Variants in SRGAP3 observed in about 807,000 individuals in gnomAD.
The protein encoded by SRGAP3 is SLIT-ROBO Rho GTPase-activating protein 3.
Under a neutral mutation model 121.1 loss-of-function variants are expected in SRGAP3, and 39 were observed. That is an observed-to-expected ratio of 0.32 (90% confidence interval 0.25 to 0.42). SRGAP3 has a LOEUF of 0.42. Among genes scored for constraint, SRGAP3 ranks in the 10% least tolerant of loss-of-function variants. The pLI, the probability that SRGAP3 is intolerant of heterozygous loss-of-function variation, is 1.00. For synonymous variants in SRGAP3, 601 were observed against 570.0 expected (o/e 1.05, Z -0.77); for missense variants, 1,213 against 1,470.6 (o/e 0.82, Z 2.86).
In SRGAP3 at chr3:9,026,988, C is replaced by T; in HGVS notation, c.1547G>A (p.Gly516Glu). 6.2e-7 allele frequency: 1 copy of T among 1,614,128 alleles called. No homozygotes were observed. The highest frequency in any genetic ancestry group is 8.5e-7 in the Non-Finnish European group (1 of 1,179,984). ...CTCGACTACAAGCGGTATAGCTTGTCCTGAATCCTTGAGAAAAGAAAAATT... is the reference window on the plus strand; with the variant it reads ...CTCGACTACAAGCGGTATAGCTTGTTCTGAATCCTTGAGAAAAGAAAAATT... Reference protein sequence around the residue: ...GSMEAFIKDSGQAIPLVVESC... With the variant: ...GSMEAFIKDSEQAIPLVVESC... The change falls in exon 13 of 22, where the codon GGA (glycine) becomes GAA (glutamate). Residue 516 changes from glycine (G) to glutamate (E), a missense_variant. Gly to Glu is a moderately conservative substitution (Grantham distance 98). Around this residue, in one of 2 missense-constraint regions of SRGAP3, gnomAD observed 793 missense variants for 1,032.9 expected, o/e 0.77. Coordinates refer to ENST00000383836, the MANE Select transcript of SRGAP3 (RefSeq NM_014850.4).
chr3:9,214,836 T>C (rs572031176), intron 1 of SRGAP3, among the ~76,000 whole-genome samples: 2 of 152,180 alleles, frequency 1.3e-5, no homozygotes, highest in East Asian at 3.9e-4. Context: ...ATAAGGAAAA[T>C]TCATTGTAGG....
chr3:9,042,399 A>G (rs1945061385), intron 10 of SRGAP3, among the ~76,000 whole-genome samples: 2 of 151,780 alleles, frequency 1.3e-5, no homozygotes, highest in Admixed American at 6.6e-5. Context: ...ACTAACATTA[A>G]AAGACTTTTA....
intron 2 of SRGAP3, among the ~76,000 whole-genome samples, chr3:9,113,348 T>A (rs1021470582): frequency 2.0e-5 from 3 of 152,070 alleles, no homozygotes; most frequent in Admixed American, 6.6e-5. Context: ...TTTGGTGTCC[T>A]TGGTGTAGAC....
At chr3:9,175,108 C>G (rs565433025) in intron 1 of SRGAP3, among the ~76,000 whole-genome samples, 214 of 152,280 alleles carry the variant, frequency 1.4e-3, no homozygotes, top group African/African-American at 4.6e-3. Flanking sequence ...ACCTAGGAGG[C>G]TGACAATGGT....
intron 1 of SRGAP3, among the ~76,000 whole-genome samples, chr3:9,362,597 T>C (rs777073411): frequency 2.0e-5 from 3 of 152,080 alleles, no homozygotes; most frequent in Non-Finnish European, 4.4e-5. Context: ...TTAGGCAACA[T>C]AGTGAGCCCC....
chr3:8,993,013 G>A lies in SRGAP3; in HGVS notation c.2451C>T (p.Ser817=), dbSNP rs1942158201. 7 of 1,614,034 alleles carry A rather than the reference G, an allele frequency of 4.3e-6. No individual in the cohort carries two copies. Among genetic ancestry groups the A allele is most frequent in the East Asian group, 2.2e-5 (1 of 44,894 alleles). ...CCAGCAATGGCCCACTGCTGGCCTC[G>A]CTGTCAGCCTTCTGGCTCAGGCTGT... ...FSDSLSQKAD[S]EASSGPLLDD... Residue 817 remains serine (S), a synonymous_variant, in exon 20 of 22, where the codon AGC becomes AGT. Coordinates refer to ENST00000383836, the MANE Select transcript of SRGAP3 (RefSeq NM_014850.4).
At chr3:9,018,269 G>C (rs186740293) in intron 14 of SRGAP3, among the ~76,000 whole-genome samples, 20 of 152,270 alleles carry the variant, frequency 1.3e-4, no homozygotes, top group African/African-American at 4.8e-4. Context: ...TGGCCACGTA[G>C]GTTGCTTCCG....
intron 1 of SRGAP3, among the ~76,000 whole-genome samples, chr3:9,170,749 G>A (rs147289128): frequency 6.6e-6 from 1 of 152,346 alleles, no homozygotes; most frequent in African/African-American, 2.4e-5. Context: ...CCAAGGAGGT[G>A]AGGGCACATG....
chr3:9,120,638 C>T (rs1948970583), intron 2 of SRGAP3, among the ~76,000 whole-genome samples: 1 of 152,222 alleles, frequency 6.6e-6, no homozygotes, highest in Non-Finnish European at 1.5e-5. Context: ...CTCAGCTTTT[C>T]TGTTGCTCAG....
Position 8,990,649 on chromosome 3 carries a change from A to T in SRGAP3, c.2749T>A (p.Phe917Ile). 6.2e-7 allele frequency: 1 copy of T among 1,613,518 alleles called. No individual in the cohort carries two copies. Among genetic ancestry groups the T allele is most frequent in the Non-Finnish European group, 8.5e-7 (1 of 1,179,920 alleles). The change falls in exon 21 of 22, where the codon TTC becomes ATC. Residue 917 changes from phenylalanine (F) to isoleucine (I), a missense_variant. This residue lies in a region of SRGAP3 where 420 missense variants were observed against 437.7 expected (regional missense o/e 0.96). Transcript: ENST00000383836. ...ESPEKRRMATFGSAGSINYPD... is the reference protein window; with the variant it reads ...ESPEKRRMATIGSAGSINYPD... ...TAGTTGATGCTGCCAGCGCTCCCGA[A>T]CGTCGCCATCCTCCGCTTCTCAGGG...
In SRGAP3 at chr3:9,010,207, C is replaced by T. The variant is rs144251804; in HGVS notation, c.2227+101G>A. On this transcript the variant is annotated intron_variant, in intron 18 of 21. Transcript: ENST00000383836. ...AAGGACAGATGGCTGACTTGGAAAG[C>T]TGAAGAGGTCTATGTGGGCCAGCCC... 4.8e-4 allele frequency: 644 copies of T among 1,348,526 alleles called. 2 individuals carry two copies. The African/African-American group carries it at 8.1e-3, about 17-fold the overall frequency. The allele number at this position is 1,348,526 out of a possible 1,614,324, so 83.5% of individuals were successfully genotyped here. A position where few individuals can be genotyped will look rare whatever the true frequency, so the allele number is the denominator to read the frequency against.
intron 1 of SRGAP3, among the ~76,000 whole-genome samples, chr3:9,335,856 T>A (rs1955684146): frequency 1.3e-5 from 2 of 152,150 alleles, no homozygotes; most frequent in Admixed American, 1.3e-4. Flanking sequence ...GGATTTTTCT[T>A]CGTTTTCTTA....
chr3:9,320,405 C>T (rs1462427742), intron 3 of SRGAP3, among the ~76,000 whole-genome samples: 1 of 151,854 alleles, frequency 6.6e-6, no homozygotes, highest in Non-Finnish European at 1.5e-5. Flanking sequence ...AATGGTTTAA[C>T]ACTATCCCCT....
At position 9,046,235 on chromosome 3, in the gene SRGAP3, G is replaced by A. The variant is rs1051063234; in HGVS notation, c.1408+1156C>T. On this transcript the variant is annotated intron_variant, in intron 10 of 21. Transcript: ENST00000383836. ...AAAGTTCCCCAGCCCTTACTACCTAGAACACACAAAACTAATCTGCAGTGA... is the reference window on the plus strand; with the variant it reads ...AAAGTTCCCCAGCCCTTACTACCTAAAACACACAAAACTAATCTGCAGTGA... Among the ~76,000 whole-genome samples the A allele has an allele frequency of 2.0e-5, 3 of 152,002 alleles. 1 individual carries two copies. The highest frequency in any genetic ancestry group is 2.0e-4 in the Admixed American group (3 of 15,282).
chr3:9,222,324 G>A (rs1952841302), intron 1 of SRGAP3, among the ~76,000 whole-genome samples: 1 of 152,186 alleles, frequency 6.6e-6, no homozygotes, highest in Admixed American at 6.5e-5. Context: ...GACAAAATGA[G>A]AGGAAGTGTA....
chr3:9,190,654 A>G (rs942493468), intron 1 of SRGAP3, among the ~76,000 whole-genome samples: 1 of 152,166 alleles, frequency 6.6e-6, no homozygotes, highest in African/African-American at 2.4e-5. Context: ...TTTTTGTTTC[A>G]TTAGGTTTTA....
chr3:9,037,762 TC>T (rs1457786281), intron 11 of SRGAP3: 2 of 490,952 alleles, frequency 4.1e-6, no homozygotes, highest in Admixed American at 6.8e-5. Flanking sequence ...CCTCAGCCAC[TC>T]TGAGTAGACA....
chr3:9,212,606 T>G (rs1414598938), intron 1 of SRGAP3, among the ~76,000 whole-genome samples: 1 of 152,034 alleles, frequency 6.6e-6, no homozygotes, highest in African/African-American at 2.4e-5. Flanking sequence ...TCCCAGCTAC[T>G]CGGGAGGCTA....
At chr3:9,148,300 A>G (rs1219584116) in intron 1 of SRGAP3, among the ~76,000 whole-genome samples, 1 of 152,212 alleles carries the variant, frequency 6.6e-6, no homozygotes, top group African/African-American at 2.4e-5. Flanking sequence ...TCTCTGTGCT[A>G]GGCAGAAAAC....
Sources: gnomAD v4.1 joint callset for allele counts (sites outside exome capture counted in the v4.1 genomes callset) on GRCh38, gnomAD v4.1.1 for gene constraint, gnomAD v4.1.1 regional missense constraint, MANE v1.5 for transcripts, NCBI Gene and HGNC (gene_info 2026-07-23, HGNC 2026-07-21) for gene names.